Variants in GRIK1 observed in about 807,000 individuals in gnomAD.
GRIK1 encodes the protein glutamate ionotropic receptor kainate type subunit 1.
Under a neutral mutation model 105.7 loss-of-function variants are expected in GRIK1, and 69 were observed. The observed-to-expected ratio is 0.65, with a 90% confidence interval of 0.54 to 0.80. The LOEUF (loss-of-function observed/expected upper bound fraction) is 0.80, where lower values mean the gene tolerates loss of function less well. Among genes scored for constraint, GRIK1 ranks in the 30% least tolerant of loss-of-function variants. GRIK1 has a pLI of 0.00. For missense variants in GRIK1, 1,109 were observed against 1,167.3 expected (o/e 0.95, Z 0.73); for synonymous variants, 438 against 431.3 (o/e 1.02, Z -0.19).
chr21:29,695,125 A>G (rs1374500531), intron 1 of GRIK1, among the ~76,000 whole-genome samples: 3 of 152,216 alleles, frequency 2.0e-5, no homozygotes, highest in Non-Finnish European at 4.4e-5. Flanking sequence ...TCTCACTGCA[A>G]GTAACAGTAC....
intron 1 of GRIK1, among the ~76,000 whole-genome samples, chr21:29,860,813 G>A (rs976875852): frequency 1.3e-5 from 2 of 152,214 alleles, no homozygotes; most frequent in African/African-American, 4.8e-5. Context: ...CTAGCCTCAT[G>A]TGGCTTTTGA....
Position 29,537,218 on chromosome 21 carries a change from C to A in GRIK1, c.*12G>T. On this transcript the variant is annotated 3_prime_UTR_variant, in exon 18 of 18. Coordinates refer to ENST00000327783, the MANE Select transcript of GRIK1 (RefSeq NM_001330994.2). ...AATGCATCCTTTTTCTTCCTACAGG[C>A]GTTTCCTTGGATCACGCCACAGTCT... 6.4e-7 allele frequency: 1 copy of A among 1,571,576 alleles called. No homozygotes were observed.
At chr21:29,564,253 T>C (rs1028053669) in intron 14 of GRIK1, among the ~76,000 whole-genome samples, 1 of 151,982 alleles carries the variant, frequency 6.6e-6, no homozygotes, top group African/African-American at 2.4e-5. Context: ...GTTCACGCCA[T>C]TCTCCTGCCT....
intron 1 of GRIK1, among the ~76,000 whole-genome samples, chr21:29,927,315 ATATG>A (rs2071404052): frequency 6.6e-6 from 1 of 151,000 alleles, no homozygotes; most frequent in African/African-American, 2.4e-5. Flanking sequence ...GTAATGATAT[ATATG>A]TAATATATAA....
intron 1 of GRIK1, among the ~76,000 whole-genome samples, chr21:29,751,419 A>G (rs566486397): frequency 2.0e-4 from 30 of 152,118 alleles, no homozygotes; most frequent in African/African-American, 7.0e-4. Context: ...GTGGCACTGG[A>G]CCTTTTTTCC....
In GRIK1 at chr21:29,577,034, T is replaced by C; in HGVS notation, c.2060A>G (p.Asp687Gly). 1 of 1,613,858 alleles carries C rather than the reference T, an allele frequency of 6.2e-7. No individual in the cohort carries two copies. Among genetic ancestry groups the C allele is most frequent in the Middle Eastern group, 1.7e-4 (1 of 6,060 alleles). Reference sequence around the variant, plus strand: ...TATCTTGGTTTGCTTTGCCAGATCATCTGCCGAATCTATGGGGGATTCCAT... The same window carrying C: ...TATCTTGGTTTGCTTTGCCAGATCACCTGCCGAATCTATGGGGGATTCCAT... ...ERMESPIDSA[D>G]DLAKQTKIEY... is the part of the protein sequence containing the mutation. The change falls in exon 14 of 18, where the codon GAT becomes GGT. Residue 687 changes from aspartate to glycine, a missense_variant. Asp to Gly is a moderately conservative substitution (Grantham distance 94). Around this residue, in one of 5 missense-constraint regions of GRIK1, gnomAD observed 264 missense variants for 306.9 expected, o/e 0.86. Coordinates refer to ENST00000327783, the MANE Select transcript of GRIK1 (RefSeq NM_001330994.2).
At chr21:29,783,264 AG>A (rs1271242570) in intron 1 of GRIK1, among the ~76,000 whole-genome samples, 2 of 151,664 alleles carry the variant, frequency 1.3e-5, no homozygotes, top group African/African-American at 4.9e-5. Flanking sequence ...GTTATTTGTA[AG>A]ACCTCCATCA....
At chr21:29,671,744 G>C (rs1300701177) in intron 4 of GRIK1, among the ~76,000 whole-genome samples, 1 of 152,124 alleles carries the variant, frequency 6.6e-6, no homozygotes, top group East Asian at 1.9e-4. Context: ...TAAAAACTTT[G>C]CCTATGCCAC....
chr21:29,925,414 T>C (rs1253965896), intron 1 of GRIK1, among the ~76,000 whole-genome samples: 1 of 152,202 alleles, frequency 6.6e-6, no homozygotes, highest in Non-Finnish European at 1.5e-5. Context: ...TAATGTATTT[T>C]ATCAGATTAT....
At chr21:29,809,432 A>T (rs1429965961) in intron 1 of GRIK1, among the ~76,000 whole-genome samples, 1 of 152,140 alleles carries the variant, frequency 6.6e-6, no homozygotes, top group Non-Finnish European at 1.5e-5. Flanking sequence ...AAAAATGCTA[A>T]CTGTCACCTG....
Position 29,611,938 on chromosome 21 carries a change from C to T in GRIK1, c.1099-13001G>A, listed in dbSNP as rs79085986. ...TTGCCCAAGTGGATCCCTCTTGGAT[C>T]TGCTGGGTTCCATTTACAAAGACAA... On this transcript the variant is annotated intron_variant, in intron 7 of 17. Transcript: ENST00000327783. Among the ~76,000 whole-genome samples the T allele has an allele frequency of 5.0e-3, 769 of 152,302 alleles. 8 individuals are homozygous for T. Among genetic ancestry groups the T allele is most frequent in the African/African-American group, 0.017 (727 of 41,566 alleles).
At chr21:29,907,221 A>C (rs1048715545) in intron 1 of GRIK1, among the ~76,000 whole-genome samples, 1 of 152,102 alleles carries the variant, frequency 6.6e-6, no homozygotes, top group African/African-American at 2.4e-5. Context: ...ATAAATATCA[A>C]AAATGAAATT....
intron 1 of GRIK1, among the ~76,000 whole-genome samples, chr21:29,768,745 C>G (rs1410167246): frequency 1.3e-5 from 2 of 152,140 alleles, no homozygotes; most frequent in African/African-American, 4.8e-5. Flanking sequence ...ATTTCAGTCT[C>G]CTAAAACCAG....
At chr21:29,740,922 T>C (rs2064910971) in intron 1 of GRIK1, among the ~76,000 whole-genome samples, 1 of 152,174 alleles carries the variant, frequency 6.6e-6, no homozygotes, top group Non-Finnish European at 1.5e-5. Flanking sequence ...TTCTACTTTC[T>C]CAAGAAGATA....
chr21:29,665,398 T>G (rs767576403), intron 4 of GRIK1, among the ~76,000 whole-genome samples: 7 of 152,320 alleles, frequency 4.6e-5, no homozygotes, highest in Middle Eastern at 3.4e-3. Context: ...ACGATGAGAA[T>G]GTACCGCCAA....
intron 1 of GRIK1, among the ~76,000 whole-genome samples, chr21:29,915,102 T>C (rs2070948522): frequency 6.6e-6 from 1 of 152,048 alleles, no homozygotes; most frequent in Admixed American, 6.6e-5. Flanking sequence ...ACTTTAGTGA[T>C]AGAAAATTCT....
At chr21:29,701,051 G>A (rs2063802762) in intron 1 of GRIK1, among the ~76,000 whole-genome samples, 6 of 151,228 alleles carry the variant, frequency 4.0e-5, no homozygotes, top group Admixed American at 3.9e-4. Context: ...ATATTTAGTT[G>A]TTGTTGTTGT....
chr21:29,838,729 A>G (rs2067881755), intron 1 of GRIK1, among the ~76,000 whole-genome samples: 1 of 152,224 alleles, frequency 6.6e-6, no homozygotes, highest in African/African-American at 2.4e-5. Context: ...ATTACAGCAG[A>G]GACTCTAAAA....
rs371688685 is a variant in GRIK1 at position 29,537,593 on chromosome 21, A to C, written c.2694+205T>G. On this transcript the variant is annotated intron_variant, in intron 17 of 17. Coordinates refer to ENST00000327783, the MANE Select transcript of GRIK1 (RefSeq NM_001330994.2). Reference sequence around the variant, plus strand: ...ACTGAGATGGCAAGTTAGCTGGGCAAACTTTGGGATTTCATTCACAAATGC... The same window carrying C: ...ACTGAGATGGCAAGTTAGCTGGGCACACTTTGGGATTTCATTCACAAATGC... 15 of 676,052 alleles carry C rather than the reference A, an allele frequency of 2.2e-5. No individual in the cohort carries two copies. In the East Asian group the frequency reaches 2.8e-4, roughly 13 times the overall value. 41.9% of individuals were successfully genotyped at this position (676,052 alleles called of 1,614,324 possible). A position where few individuals can be genotyped will look rare whatever the true frequency, so the allele number is the denominator to read the frequency against.
Sources: allele counts gnomAD v4.1 joint callset (sites outside exome capture counted in the v4.1 genomes callset), GRCh38; gene constraint gnomAD v4.1.1; regional missense constraint gnomAD v4.1.1; transcripts MANE v1.5; gene names NCBI Gene and HGNC (gene_info 2026-07-23, HGNC 2026-07-21).